Variants in NGFR observed in about 807,000 individuals in gnomAD.
NGFR encodes the protein nerve growth factor receptor.
In NGFR, 30 loss-of-function variants were observed where a neutral mutation model predicts 43.2. That is an observed-to-expected ratio of 0.69 (90% confidence interval 0.52 to 0.94). NGFR has a LOEUF of 0.94. Among genes scored for constraint, NGFR ranks in the 40% least tolerant of loss-of-function variants. The probability of loss-of-function intolerance (pLI) is 0.00; values close to 1 mark genes in which losing one functional copy is unlikely to be tolerated. For missense variants in NGFR, 529 were observed against 602.5 expected, an observed-to-expected ratio of 0.88 and a Z score of 1.28; for synonymous variants, 246 against 259.6, an observed-to-expected ratio of 0.95 and a Z score of 0.50.
At chr17:49,504,616 C>T (rs921925594) in intron 2 of NGFR, among the ~76,000 whole-genome samples, 14 of 152,034 alleles carry the variant, frequency 9.2e-5, no homozygotes, top group African/African-American at 2.4e-4. Context: ...AGCTTATAAG[C>T]GATGGAAATG....
chr17:49,501,381 C>T (rs1370209002), intron 1 of NGFR, among the ~76,000 whole-genome samples: 1 of 152,226 alleles, frequency 6.6e-6, no homozygotes, highest in Non-Finnish European at 1.5e-5. Flanking sequence ...GGCCTTTTGC[C>T]CTGGCACCAG....
intron 4 of NGFR, 52 bp from the exon 5 acceptor site, chr17:49,511,840 C>T (rs988526722): frequency 1.0e-5 from 15 of 1,486,514 alleles, no homozygotes; most frequent in African/African-American, 8.5e-5. Context: ...TCAGCTGCAT[C>T]GGCCACTACA....
At chr17:49,501,121 C>G (rs11466129) in intron 1 of NGFR, among the ~76,000 whole-genome samples, 44,749 of 152,102 alleles carry the variant, frequency 0.29, 6,952 homozygotes, top group East Asian at 0.45. Context: ...CCAGCCCCTT[C>G]CCCTGGGGAA....
In NGFR at chr17:49,512,238, G is replaced by A. The variant is rs986150149; in HGVS notation, c.982+186G>A. On this transcript the variant is annotated intron_variant, in intron 5 of 5. Transcript: ENST00000172229. The surrounding 1 kb of genome is among the most constrained non-coding windows in gnomAD (Gnocchi z 5.2). ...GAGGTCCTCTCTAGAGGAACGACTT[G>A]GGAAATGGAGGCTTTTACAAGTTGG... Among the ~76,000 whole-genome samples the A allele has an allele frequency of 1.3e-5, 2 of 152,212 alleles. No individual in the cohort carries two copies.
intron 2 of NGFR, among the ~76,000 whole-genome samples, chr17:49,503,531 C>T (rs183945089): frequency 7.1e-4 from 108 of 152,302 alleles, no homozygotes; most frequent in African/African-American, 2.3e-3. Flanking sequence ...AACCCACCTG[C>T]GGACCTAGTG....
chr17:49,510,748 C>T, intron 4 of NGFR, 84 bp downstream of exon 4: 1 of 1,541,280 alleles, frequency 6.5e-7, no homozygotes, highest in South Asian at 1.2e-5. Flanking sequence ...TGAAAACATA[C>T]ACACCCTTTT....
chr17:49,495,513 C>T lies in NGFR; in HGVS notation c.66+30C>T. The T allele has an allele frequency of 8.1e-7, 1 of 1,230,796 alleles. No homozygotes were observed. Among genetic ancestry groups the T allele is most frequent in the Non-Finnish European group, 1.0e-6 (1 of 984,222 alleles). The allele number at this position is 1,230,796 out of a possible 1,614,324, so 76.2% of individuals were successfully genotyped here. A position where few individuals can be genotyped will look rare whatever the true frequency, so the allele number is the denominator to read the frequency against. ...GTGTTAGCCGGAGGGGGCCCGCTCCCTTTCCCGGGATCAGAACTCCGAGAA... is the reference window on the plus strand; with the variant it reads ...GTGTTAGCCGGAGGGGGCCCGCTCCTTTTCCCGGGATCAGAACTCCGAGAA... On this transcript the variant is annotated intron_variant, in intron 1 of 5. Transcript: ENST00000172229. The surrounding 1 kb of genome is among the most constrained non-coding windows in gnomAD (Gnocchi z 6.4).
Position 49,510,410 on chromosome 17 carries a change from A to G in NGFR, c.569-2A>G, listed in dbSNP as rs759865016. ...CCTCACTCCTGTGGCCTTTTCTCCC[A>G]GAGATCCCTGGCCGTTGGATTACAC... On this transcript the variant is annotated splice_acceptor_variant, in intron 3 of 5. Coordinates refer to ENST00000172229, the MANE Select transcript of NGFR (RefSeq NM_002507.4). LOFTEE classifies it high-confidence loss of function. 6.2e-7 allele frequency: 1 copy of G among 1,613,138 alleles called. No homozygotes were observed. The highest frequency in any genetic ancestry group is 8.5e-7 in the Non-Finnish European group (1 of 1,179,326).
chr17:49,501,999 A>AGGGCCCCCCCCCCC, intron 1 of NGFR, 64 bp from the exon 2 acceptor site: 34 of 330,974 alleles, frequency 1.0e-4, no homozygotes, highest in Non-Finnish European at 1.8e-4. Context: ...TCCCCGGAAG[A>AGGGCCCCCCCCCCC]ACCCCCCCCA....
intron 2 of NGFR, 30 bp downstream of exon 2, chr17:49,502,234 G>A (rs1208480984): frequency 3.2e-6 from 5 of 1,572,232 alleles, no homozygotes; most frequent in Non-Finnish European, 4.3e-6. Flanking sequence ...CAGGAGGAGG[G>A]GAGAAGAATG....
intron 1 of NGFR, among the ~76,000 whole-genome samples, chr17:49,498,864 C>T (rs1188548661): frequency 2.0e-5 from 3 of 152,168 alleles, no homozygotes; most frequent in African/African-American, 7.2e-5. Flanking sequence ...TCACCCCTCC[C>T]TACTTGGCTA....
At chr17:49,498,481 C>T (rs996749407) in intron 1 of NGFR, among the ~76,000 whole-genome samples, 11 of 152,274 alleles carry the variant, frequency 7.2e-5, no homozygotes, top group African/African-American at 2.6e-4. Flanking sequence ...CATCCCATGG[C>T]GGTGACCACG....
chr17:49,510,866 T>C (rs2071227632), intron 4 of NGFR: 2 of 623,424 alleles, frequency 3.2e-6, no homozygotes, highest in Admixed American at 2.9e-5. Flanking sequence ...TCCTGTCCTG[T>C]CCTCTCCTGC....
At position 49,512,153 on chromosome 17, in the gene NGFR, G is replaced by C. The variant is rs923485833; in HGVS notation, c.982+101G>C. 5.7e-5 allele frequency: 82 copies of C among 1,428,150 alleles called. No individual in the cohort carries two copies. In the Admixed American group the frequency reaches 1.4e-3, roughly 25 times the overall value. 88.5% of individuals were successfully genotyped at this position (1,428,150 alleles called of 1,614,324 possible). On this transcript the variant is annotated intron_variant, in intron 5 of 5. Coordinates refer to ENST00000172229, the MANE Select transcript of NGFR (RefSeq NM_002507.4). This position sits in a 1 kb window ranked among gnomAD's most constrained non-coding sequence, Gnocchi z 5.2. ...GAAGGACTGTCGGGGGGGCGGCAGG[G>C]CTGGCTCAGCGGTGCCCCTGTAGAT...
At chr17:49,503,210 G>A (rs953966007) in intron 2 of NGFR, among the ~76,000 whole-genome samples, 3 of 152,174 alleles carry the variant, frequency 2.0e-5, no homozygotes, top group Non-Finnish European at 2.9e-5. Flanking sequence ...GTGAGCCACC[G>A]TGCTCGACCC....
At chr17:49,502,014 A>ACCCCCCCC in intron 1 of NGFR, 49 bp from the exon 2 acceptor site, 2 of 290,770 alleles carry the variant, frequency 6.9e-6, no homozygotes, top group East Asian at 2.0e-4. Context: ...CCCCCAACCC[A>ACCCCCCCC]CCCCAGCTTT....
Position 49,513,093 on chromosome 17 carries a change from T to A in NGFR, c.*84T>A. 1.5e-6 allele frequency: 2 copies of A among 1,365,408 alleles called. No individual in the cohort carries two copies. Among genetic ancestry groups the A allele is most frequent in the Non-Finnish European group, 1.9e-6 (2 of 1,035,156 alleles). 84.6% of individuals were successfully genotyped at this position (1,365,408 alleles called of 1,614,324 possible). On this transcript the variant is annotated 3_prime_UTR_variant, in exon 6 of 6. Transcript: ENST00000172229. ...CCCTGTGGAGCCCGCACCCCCACCC[T>A]TTGGGGGGGGCCCGCCTGGCAGAAC...
At chr17:49,501,999 A>ATGGGGCCC in intron 1 of NGFR, 64 bp from the exon 2 acceptor site, 23 of 330,974 alleles carry the variant, frequency 6.9e-5, no homozygotes, top group Non-Finnish European at 1.1e-4. Context: ...TCCCCGGAAG[A>ATGGGGCCC]ACCCCCCCCA....
intron 2 of NGFR, among the ~76,000 whole-genome samples, chr17:49,505,437 C>G (rs552840572): frequency 6.6e-4 from 101 of 152,328 alleles, no homozygotes; most frequent in African/African-American, 2.2e-3. Flanking sequence ...TACAAGGAGG[C>G]AAGGACCCTG....
Sources: gnomAD v4.1 joint callset for allele counts (sites outside exome capture counted in the v4.1 genomes callset) on GRCh38, gnomAD v4.1.1 for gene constraint, Gnocchi (gnomAD v3.1) non-coding constraint, MANE v1.5 for transcripts, NCBI Gene and HGNC (gene_info 2026-07-23, HGNC 2026-07-21) for gene names.